The following CMA1 variants were observed in gnomAD, a reference collection of about 807,000 sequenced individuals.
The protein encoded by CMA1 is chymase 1, also known as chymase.
A neutral mutation model predicts 18.8 loss-of-function variants in CMA1; 24 were observed. The ratio of observed to expected loss-of-function variants is 1.28; its 90% confidence interval spans 0.92 to 1.80. CMA1 has a LOEUF of 1.80. Ranked by LOEUF, CMA1 falls within the 40% of genes most tolerant of loss-of-function variation. CMA1 has a pLI of 0.00. For missense variants in CMA1, 421 were observed against 302.8 expected, an observed-to-expected ratio of 1.39 and a Z score of -2.90; for synonymous variants, 152 against 117.0, an observed-to-expected ratio of 1.30 and a Z score of -1.93.
intron 4 of CMA1, 135 bp downstream of exon 4, chr14:24,505,893 G>A (rs1267686544): frequency 2.3e-5 from 29 of 1,272,886 alleles, no homozygotes; most frequent in Non-Finnish European, 2.9e-5. Context: ...AGGCTGTCTT[G>A]GACCACGGGA....
Position 24,506,553 on chromosome 14 carries a change from T to C in CMA1, c.261A>G (p.Thr87=). The stretch of plus-strand genomic sequence containing the variant: ...GCTTTATAACCTCAAGCTTCTGCCA[T>C]GTGTCTTCTTCCTCTGTTATGTTAT... ...GAHNITEEED[T]WQKLEVIKQF... The change falls in exon 3 of 5, where the codon ACA becomes ACG. Residue 87 remains threonine, a synonymous_variant. Transcript: ENST00000250378. 1.9e-6 allele frequency: 3 copies of C among 1,614,170 alleles called. No homozygotes were observed. The highest frequency in any genetic ancestry group is 2.5e-6 in the Non-Finnish European group (3 of 1,179,992).
intron 1 of CMA1, 111 bp from the exon 2 acceptor site, chr14:24,507,617 G>A: frequency 7.8e-7 from 1 of 1,281,300 alleles, no homozygotes. Context: ...TTCTCACCCT[G>A]TGTTCCGCCC....
At chr14:24,505,760 G>A in intron 4 of CMA1, 101 bp from the exon 5 acceptor site, 1 of 1,416,786 alleles carries the variant, frequency 7.1e-7, no homozygotes, top group Non-Finnish European at 9.5e-7. Flanking sequence ...GTCAGACGCA[G>A]GAGGTGGAGC....
At chr14:24,507,544 G>C in intron 1 of CMA1, 38 bp from the exon 2 acceptor site, 12 of 1,588,188 alleles carry the variant, frequency 7.6e-6, no homozygotes, top group Non-Finnish European at 1.0e-5. Context: ...CACGGCCATA[G>C]ATACTCTCTC....
At chr14:24,508,088 C>G in intron 1 of CMA1, 90 bp downstream of exon 1, 2 of 1,252,650 alleles carry the variant, frequency 1.6e-6, no homozygotes, top group Non-Finnish European at 2.3e-6. Flanking sequence ...ATCTTGGAAC[C>G]CTGTTTAGGA....
rs748759337 is a variant in CMA1, at chr14:24,506,611, T to A, written c.210-7A>T. On this transcript the variant is annotated splice_polypyrimidine_tract_variant and splice_region_variant and intron_variant, in intron 2 of 4. Coordinates refer to ENST00000250378, the MANE Select transcript of CMA1 (RefSeq NM_001836.5). Reference sequence around the variant, plus strand: ...AAGGGTGACTGTTATAGACCTGTTGTGAGGAAGAAGGAAGGAAAAGGAGCG... The same window carrying A: ...AAGGGTGACTGTTATAGACCTGTTGAGAGGAAGAAGGAAGGAAAAGGAGCG... 2 of 1,613,026 alleles carry A rather than the reference T, an allele frequency of 1.2e-6. No individual in the cohort carries two copies. Among genetic ancestry groups the A allele is most frequent in the South Asian group, 2.2e-5 (2 of 90,962 alleles).
At chr14:24,507,903 G>GT (rs2043872372) in intron 1 of CMA1, among the ~76,000 whole-genome samples, 2 of 151,452 alleles carry the variant, frequency 1.3e-5, no homozygotes, top group South Asian at 4.2e-4. Context: ...GGACATGTCT[G>GT]TTTTCCTGGG....
chr14:24,505,888 G>A (rs1161167599), intron 4 of CMA1, 140 bp downstream of exon 4: 7 of 1,246,678 alleles, frequency 5.6e-6, no homozygotes, highest in Non-Finnish European at 7.8e-6. Context: ...GTCAGAGGCT[G>A]TCTTGGACCA....
At chr14:24,505,984 C>G in intron 4 of CMA1, 44 bp downstream of exon 4, 2 of 1,604,258 alleles carry the variant, frequency 1.2e-6, no homozygotes, top group Non-Finnish European at 1.7e-6. Context: ...CATTCTGGTC[C>G]CTGAACAGTG....
At position 24,506,194 on chromosome 14, in the gene CMA1, C is replaced by G. The variant is rs367548577; in HGVS notation, c.434G>C (p.Arg145Pro). The G allele has an allele frequency of 1.2e-6, 2 of 1,614,044 alleles. No homozygotes were observed. The highest frequency in any genetic ancestry group is 2.7e-5 in the African/African-American group (2 of 74,908). Residue 145 changes from arginine (R) to proline (P), a missense_variant, in exon 4 of 5, where the codon CGG (arginine) becomes CCG (proline). Coordinates refer to ENST00000250378, the MANE Select transcript of CMA1 (RefSeq NM_001836.5). ...ACCTGTTCTTCCCCAGCCAGCCACC[C>G]GGCACATTCTCCCAGGTGGGACAAA... is the stretch of plus-strand genomic sequence containing the variant. ...FNFVPPGRMC[R>P]VAGWGRTGVL...
In CMA1 at chr14:24,506,292, G is replaced by A. The variant is rs1373516654; in HGVS notation, c.346-10C>T. On this transcript the variant is annotated splice_polypyrimidine_tract_variant and intron_variant, in intron 3 of 4. Transcript: ENST00000250378. ...TGGCTTTCTCCTTCAACTGTGAAGG[G>A]AATGAAGGACTGTCAGTCCTCGAAA... 6.2e-7 allele frequency: 1 copy of A among 1,612,948 alleles called. No homozygotes were observed. Among genetic ancestry groups the A allele is most frequent in the East Asian group, 2.2e-5 (1 of 44,866 alleles).
In CMA1 at chr14:24,507,377, G is replaced by A. The variant is rs13306251; in HGVS notation, c.188C>T (p.Thr63Met). ...TCACCTTCCTGCACAATGAGCAGCC[G>A]TCAGCACAAAGTTCCGTCTTATAAG... is the stretch of plus-strand genomic sequence containing the variant. Reference protein sequence around the residue: ...GFLIRRNFVLTAAHCAGRSIT... With the variant: ...GFLIRRNFVLMAAHCAGRSIT... Residue 63 changes from threonine (T) to methionine (M), a missense_variant, in exon 2 of 5, where the codon ACG (threonine) becomes ATG (methionine). Coordinates refer to ENST00000250378, the MANE Select transcript of CMA1 (RefSeq NM_001836.5). 428 of 1,614,140 alleles carry A rather than the reference G, an allele frequency of 2.7e-4. 3 individuals are homozygous for A. The South Asian group carries it at 3.0e-3, about 11-fold the overall frequency.
rs769383921 is a variant in CMA1 at position 24,506,606 on chromosome 14, T to A, written c.210-2A>T. On this transcript the variant is annotated splice_acceptor_variant, in intron 2 of 4. Coordinates refer to ENST00000250378, the MANE Select transcript of CMA1 (RefSeq NM_001836.5). LOFTEE classifies it high-confidence loss of function. ...GCTCCAAGGGTGACTGTTATAGACC[T>A]GTTGTGAGGAAGAAGGAAGGAAAAG... 6.2e-7 allele frequency: 1 copy of A among 1,613,462 alleles called. No individual in the cohort carries two copies. The highest frequency in any genetic ancestry group is 1.1e-5 in the South Asian group (1 of 91,016).
intron 2 of CMA1, among the ~76,000 whole-genome samples, chr14:24,506,901 G>T: frequency 6.6e-6 from 1 of 152,202 alleles, no homozygotes; most frequent in Non-Finnish European, 1.5e-5. Context: ...CCTGCATGAG[G>T]GCCAGCCCCT....
intron 2 of CMA1, 108 bp downstream of exon 2, chr14:24,507,248 T>C (rs1244845518): frequency 1.5e-6 from 2 of 1,331,200 alleles, no homozygotes; most frequent in South Asian, 2.4e-5. Context: ...CTCCTGAAAG[T>C]TGACAAGACC....
Position 24,505,405 on chromosome 14 carries a change from G to A in CMA1, c.*111C>T. On this transcript the variant is annotated 3_prime_UTR_variant, in exon 5 of 5. Coordinates refer to ENST00000250378, the MANE Select transcript of CMA1 (RefSeq NM_001836.5). Reference sequence around the variant, plus strand: ...TTCTGTGACCTGTAGGATACTTCTGGAGGCTTAGGGTTGTGGCTGAGGGAC... The same window carrying A: ...TTCTGTGACCTGTAGGATACTTCTGAAGGCTTAGGGTTGTGGCTGAGGGAC... 1.4e-6 allele frequency: 2 copies of A among 1,390,712 alleles called. No individual in the cohort carries two copies. Among genetic ancestry groups the A allele is most frequent in the Non-Finnish European group, 2.0e-6 (2 of 984,922 alleles). 86.1% of individuals were successfully genotyped at this position (1,390,712 alleles called of 1,614,324 possible).
chr14:24,507,536 C>T (rs766000872), intron 1 of CMA1, 30 bp from the exon 2 acceptor site: 29 of 1,598,652 alleles, frequency 1.8e-5, no homozygotes, highest in Middle Eastern at 3.5e-4. Context: ...GGTTTGAACA[C>T]GGCCATAGAT....
In CMA1 at chr14:24,505,667, G is replaced by A. The variant is rs750037025; in HGVS notation, c.601-8C>T. 5.6e-6 allele frequency: 9 copies of A among 1,596,926 alleles called. No individual in the cohort carries two copies. Among genetic ancestry groups the A allele is most frequent in the Non-Finnish European group, 7.7e-6 (9 of 1,172,228 alleles). ...AGGGCCCCCAGAGTCTCCCTGTAGGGGGAGGAGAGAGAGAAGAAGGTGAGC... is the reference window on the plus strand; with the variant it reads ...AGGGCCCCCAGAGTCTCCCTGTAGGAGGAGGAGAGAGAGAAGAAGGTGAGC... On this transcript the variant is annotated splice_polypyrimidine_tract_variant and splice_region_variant and intron_variant, in intron 4 of 4. Transcript: ENST00000250378.
At position 24,508,218 on chromosome 14, in the gene CMA1, G is replaced by C. The variant is rs947954835; in HGVS notation, c.18C>G (p.Leu6=). 1.2e-6 allele frequency: 2 copies of C among 1,613,802 alleles called. No individual in the cohort carries two copies. Among genetic ancestry groups the C allele is most frequent in the Non-Finnish European group, 1.7e-6 (2 of 1,179,884 alleles). The change falls in exon 1 of 5, where the codon CTC becomes CTG. Residue 6 remains leucine, a synonymous_variant. Coordinates refer to ENST00000250378, the MANE Select transcript of CMA1 (RefSeq NM_001836.5). ...AGCACAAGAGAAAGAGCAGCAGGGG[G>C]AGAGGAAGAAGCAGCATCTTCCCAG... MLLLP[L]PLLLFLLCSR... is the part of the protein sequence containing the mutation.
Sources: gnomAD v4.1 joint callset for allele counts (sites outside exome capture counted in the v4.1 genomes callset) on GRCh38, gnomAD v4.1.1 for gene constraint, MANE v1.5 for transcripts, NCBI Gene and HGNC (gene_info 2026-07-23, HGNC 2026-07-21) for gene names.